PHKA1: variants seen among roughly 807,000 people sequenced by gnomAD.
PHKA1 encodes the protein phosphorylase kinase regulatory subunit alpha 1, also known as phosphorylase b kinase regulatory subunit alpha, skeletal muscle isoform.
PHKA1 carries 60 observed loss-of-function variants against 110.2 expected under a neutral mutation model. That is an observed-to-expected ratio of 0.54 (90% CI 0.44 to 0.68). The LOEUF is 0.68. Among genes scored for constraint, PHKA1 ranks in the 30% least tolerant of loss-of-function variants. PHKA1 has a pLI of 0.00. For synonymous variants in PHKA1, 316 were observed against 333.6 expected (o/e 0.95, Z 0.58); for missense variants, 801 against 942.5 (o/e 0.85, Z 1.97).
At chrX:72,617,522 A>C (rs1208745351) in intron 21 of PHKA1, among the ~76,000 whole-genome samples, 1 of 111,350 alleles carries the variant, frequency 9.0e-6, no homozygotes, top group East Asian at 2.8e-4. Flanking sequence ...CTCACTTCAA[A>C]ATCAAAAAAA....
At chrX:72,669,622 T>C (rs1352292745) in intron 6 of PHKA1, among the ~76,000 whole-genome samples, 2 of 99,684 alleles carry the variant, frequency 2.0e-5, no homozygotes, top group African/African-American at 3.7e-5. Context: ...TGAGTGAGAA[T>C]ATGCGGTGTT....
At chrX:72,659,137 A>G (rs1603265300) in intron 8 of PHKA1, among the ~76,000 whole-genome samples, 1 of 111,380 alleles carries the variant, frequency 9.0e-6, no homozygotes, top group Non-Finnish European at 1.9e-5. Context: ...TCAGTTATTT[A>G]TTTATATCAG....
At chrX:72,598,154 T>G (rs782165163) in intron 28 of PHKA1, among the ~76,000 whole-genome samples, 52 of 111,116 alleles carry the variant, frequency 4.7e-4, no homozygotes, top group Admixed American at 1.1e-3. Context: ...AAAGAATCCT[T>G]GCAACTCAAC....
Position 72,580,778 on chromosome X carries a change from T to C in PHKA1, c.*224A>G, listed in dbSNP as rs782753218. ...ATGACAGGCCTGGCTGAGTGTTCAT[T>C]ATACTCATAAGATTGTCACTGGTTC... On this transcript the variant is annotated 3_prime_UTR_variant, in exon 32 of 32. Transcript: ENST00000373542. The C allele has an allele frequency of 6.1e-4, 271 of 441,685 alleles. 1 individual carries two copies. Among genetic ancestry groups the C allele is most frequent in the African/African-American group, 5.5e-3 (226 of 40,858 alleles). 36.4% of individuals were successfully genotyped at this position (441,685 alleles called of 1,213,427 possible). A position where few individuals can be genotyped will look rare whatever the true frequency, so the allele number is the denominator to read the frequency against.
chrX:72,672,615 G>T (rs193297209), intron 6 of PHKA1, among the ~76,000 whole-genome samples: 1 of 111,832 alleles, frequency 8.9e-6, no homozygotes, highest in Non-Finnish European at 1.9e-5. Flanking sequence ...ATCCAGTCAC[G>T]GCTTAAAGGC....
chrX:72,652,519 G>A (rs1231291020), intron 12 of PHKA1, 25 bp downstream of exon 12: 1 of 869,897 alleles, frequency 1.1e-6, no homozygotes, highest in African/African-American at 2.0e-5. Context: ...GAAAAAAGTG[G>A]GACAGCCTTG....
chrX:72,664,949 T>C (rs1399520640), intron 8 of PHKA1, among the ~76,000 whole-genome samples: 1 of 110,988 alleles, frequency 9.0e-6, no homozygotes, highest in Non-Finnish European at 1.9e-5. Context: ...TGGCAATAAA[T>C]GCCTACATCA....
At position 72,667,398 on chromosome X, in the gene PHKA1, C is replaced by T; in HGVS notation, c.694G>A (p.Ala232Thr). The stretch of plus-strand genomic sequence containing the variant: ...ACCTGGCAGTGCTGTACTTCATCAG[C>T]CAGGACATGGATAACTGATTGAGGC... ...GGPQSVIHVL[A>T]DEVQHCQSIL... The change falls in exon 7 of 32, where the codon GCT (alanine) becomes ACT (threonine). Residue 232 changes from alanine (A) to threonine (T), a missense_variant. By Grantham distance (58) the Ala-to-Thr change is moderately conservative. This residue lies in a region of PHKA1 where 299 missense variants were observed against 423.3 expected (regional missense o/e 0.71). Transcript: ENST00000373542. The T allele has an allele frequency of 8.3e-7, 1 of 1,207,787 alleles. No individual in the cohort carries two copies.
intron 5 of PHKA1, among the ~76,000 whole-genome samples, chrX:72,681,682 C>A (rs1603270460): frequency 1.2e-5 from 1 of 84,682 alleles, no homozygotes; most frequent in African/African-American, 4.6e-5. Flanking sequence ...GGGGGGTCAG[C>A]CCCCCACCTG....
At chrX:72,655,119 G>A (rs886961393) in intron 10 of PHKA1, among the ~76,000 whole-genome samples, 4 of 110,655 alleles carry the variant, frequency 3.6e-5, no homozygotes, top group Non-Finnish European at 5.7e-5. Context: ...TTTAAAGAAT[G>A]CATATGGCCT....
chrX:72,646,419 G>A (rs1450636092), intron 13 of PHKA1, among the ~76,000 whole-genome samples: 1 of 111,528 alleles, frequency 9.0e-6, no homozygotes, highest in Non-Finnish European at 1.9e-5. Flanking sequence ...ATATGTTAAG[G>A]ACATGATCCC....
At chrX:72,594,024 A>G (rs1334545435) in intron 28 of PHKA1, among the ~76,000 whole-genome samples, 4 of 111,654 alleles carry the variant, frequency 3.6e-5, no homozygotes, top group Non-Finnish European at 7.5e-5. Context: ...GAAATTTACA[A>G]ATGTGGAAAT....
At chrX:72,622,724 A>C in intron 18 of PHKA1, 1 of 738,553 alleles carries the variant, frequency 1.4e-6, no homozygotes, top group Non-Finnish European at 1.6e-6. Flanking sequence ...ACTCTAATTA[A>C]ATTTCATATT....
intron 3 of PHKA1, 50 bp from the exon 4 acceptor site, chrX:72,695,926 A>G: frequency 1.0e-6 from 1 of 998,436 alleles, no homozygotes; most frequent in Non-Finnish European, 1.4e-6. Context: ...AAATCAACCC[A>G]TATGCCACAC....
intron 16 of PHKA1, among the ~76,000 whole-genome samples, chrX:72,633,319 G>A (rs1424121447): frequency 9.0e-6 from 1 of 110,757 alleles, no homozygotes; most frequent in Non-Finnish European, 1.9e-5. Flanking sequence ...GAGTGGGTTT[G>A]CTTCTTTTCT....
intron 29 of PHKA1, among the ~76,000 whole-genome samples, chrX:72,589,672 G>C (rs1556221268): frequency 9.3e-6 from 1 of 107,552 alleles, no homozygotes; most frequent in African/African-American, 3.3e-5. Context: ...TGTATATTTA[G>C]AAAACCCCAT....
In PHKA1 at chrX:72,686,917, G is replaced by T. The variant is rs2053973432; in HGVS notation, c.455-2337C>A. 3.6e-5 allele frequency among the ~76,000 whole-genome samples: 4 copies of T among 111,695 alleles called. No individual in the cohort carries two copies. In the Admixed American group the frequency reaches 3.8e-4, roughly 11 times the overall value. On this transcript the variant is annotated intron_variant, in intron 4 of 31. Coordinates refer to ENST00000373542, the MANE Select transcript of PHKA1 (RefSeq NM_002637.4). The stretch of plus-strand genomic sequence containing the variant: ...AATCATCTCCAAGTTATTCTTCAAA[G>T]AAATTCTACAGTTTATATACCAACA...
Position 72,639,381 on chromosome X carries a change from C to G in PHKA1, c.1460-2995G>C, listed in dbSNP as rs181225385. ...TGAAACCCCGTCTCTACTAAAAATA[C>G]AAAAATTAGCCAGGCATGGTGGCAG... On this transcript the variant is annotated intron_variant, in intron 14 of 31. Coordinates refer to ENST00000373542, the MANE Select transcript of PHKA1 (RefSeq NM_002637.4). 2.2e-3 allele frequency among the ~76,000 whole-genome samples: 245 copies of G among 110,646 alleles called. 5 individuals carry two copies. The highest frequency in any genetic ancestry group is 0.018 in the Admixed American group (192 of 10,379).
At chrX:72,669,357 G>A (rs190570435) in intron 6 of PHKA1, among the ~76,000 whole-genome samples, 13 of 109,165 alleles carry the variant, frequency 1.2e-4, no homozygotes, top group African/African-American at 3.4e-4. Flanking sequence ...CTTTTTTTTT[G>A]TTGTTGTTGT....
Sources: gnomAD v4.1 joint callset for allele counts (sites outside exome capture counted in the v4.1 genomes callset) on GRCh38, gnomAD v4.1.1 for gene constraint, gnomAD v4.1.1 regional missense constraint, MANE v1.5 for transcripts, NCBI Gene and HGNC (gene_info 2026-07-23, HGNC 2026-07-21) for gene names.